CEP152: variants seen among roughly 807,000 people sequenced by gnomAD.
CEP152 encodes the protein centrosomal protein of 152 kDa.
Under a neutral mutation model 188.9 loss-of-function variants are expected in CEP152, and 132 were observed. The observed-to-expected ratio is 0.70, with a 90% confidence interval of 0.61 to 0.81. CEP152 has a LOEUF of 0.81. Ranked by LOEUF, CEP152 falls within the 30% of genes least tolerant of loss-of-function variation. CEP152 has a pLI of 0.00. For synonymous variants in CEP152, 649 were observed against 666.6 expected (o/e 0.97, Z 0.41); for missense variants, 1,914 against 1,969.8 (o/e 0.97, Z 0.54).
intron 16 of CEP152, 47 bp downstream of exon 16, chr15:48,767,288 A>G (rs1390113346): frequency 1.2e-6 from 2 of 1,614,116 alleles, no homozygotes; most frequent in South Asian, 2.2e-5. Flanking sequence ...GGAATAGGGG[A>G]ATGTAGTCTC....
At chr15:48,805,534 T>G (rs766642208) in intron 2 of CEP152, 29 bp downstream of exon 2, 10 of 1,508,026 alleles carry the variant, frequency 6.6e-6, no homozygotes, top group African/African-American at 1.7e-5. Flanking sequence ...GTTTAGTGTC[T>G]CTTTTTTTTT....
In CEP152 at chr15:48,784,089, A is replaced by G. The variant is rs1567015416; in HGVS notation, c.1205T>C (p.Val402Ala). The G allele has an allele frequency of 6.2e-7, 1 of 1,613,742 alleles. No homozygotes were observed. The highest frequency in any genetic ancestry group is 1.7e-5 in the Admixed American group (1 of 59,968). ...EDICSRLKDH[V>A]KQLERNQEAI... ...TTCTTGATTCCTTTCCAGTTGTTTCACGTGATCTTTCAGACGAGAGCAAAT... is the reference window on the plus strand; with the variant it reads ...TTCTTGATTCCTTTCCAGTTGTTTCGCGTGATCTTTCAGACGAGAGCAAAT... The change falls in exon 10 of 27, where the codon GTG becomes GCG. Residue 402 changes from valine to alanine, a missense_variant. By Grantham distance (64) the Val-to-Ala change is moderately conservative. Coordinates refer to ENST00000380950, the MANE Select transcript of CEP152 (RefSeq NM_001194998.2).
chr15:48,741,844 T>C, intron 25 of CEP152, 103 bp downstream of exon 25: 2 of 1,611,224 alleles, frequency 1.2e-6, no homozygotes, highest in Non-Finnish European at 1.7e-6. Flanking sequence ...CCCCTATGGC[T>C]GATCATGTAG....
At chr15:48,792,945 C>G (rs1325561805) in intron 7 of CEP152, among the ~76,000 whole-genome samples, 1 of 152,010 alleles carries the variant, frequency 6.6e-6, no homozygotes, top group Non-Finnish European at 1.5e-5. Context: ...CTTCAGCCTC[C>G]CAAGTAGATG....
chr15:48,761,728 A>C (rs527284274), intron 18 of CEP152, among the ~76,000 whole-genome samples: 9 of 152,320 alleles, frequency 5.9e-5, no homozygotes. Context: ...ATTGTAAAGG[A>C]GTCCTGGGAC....
intron 24 of CEP152, among the ~76,000 whole-genome samples, chr15:48,743,675 C>T (rs1030382343): frequency 4.6e-5 from 7 of 152,122 alleles, no homozygotes; most frequent in Non-Finnish European, 1.0e-4. Context: ...TCAGCCTGGC[C>T]AACACGGTGA....
At position 48,744,877 on chromosome 15, in the gene CEP152, TA is replaced by T. The variant is rs1893289205; in HGVS notation, c.3731+18del. ...CTTAGATTTCTTTAAAATAGCACTTTAAAATAGTAAAAGTATACCTTGGTGG... is the reference window on the plus strand; with the variant it reads ...CTTAGATTTCTTTAAAATAGCACTTTAAATAGTAAAAGTATACCTTGGTGG... On this transcript the variant is annotated intron_variant, in intron 23 of 26. Coordinates refer to ENST00000380950, the MANE Select transcript of CEP152 (RefSeq NM_001194998.2). The T allele has an allele frequency of 6.3e-7, 1 of 1,593,572 alleles. No individual in the cohort carries two copies. The highest frequency in any genetic ancestry group is 1.4e-5 in the African/African-American group (1 of 73,992).
intron 2 of CEP152, 124 bp downstream of exon 2, chr15:48,805,439 T>TA: frequency 2.6e-6 from 3 of 1,174,698 alleles, no homozygotes; most frequent in Non-Finnish European, 3.4e-6. Context: ...TTTAGGGTTG[T>TA]TTTTTTTTTA....
intron 22 of CEP152, among the ~76,000 whole-genome samples, chr15:48,748,014 A>ATCC (rs1253223430): frequency 6.6e-5 from 10 of 152,164 alleles, no homozygotes; most frequent in Non-Finnish European, 1.0e-4. Flanking sequence ...AGAATTAACA[A>ATCC]TCCTCTTTCT....
intron 6 of CEP152, 145 bp downstream of exon 6, chr15:48,795,865 A>G (rs1231798182): frequency 2.7e-6 from 2 of 733,914 alleles, no homozygotes; most frequent in Admixed American, 2.6e-5. Flanking sequence ...ATATCTCTAA[A>G]AATAAGGGCT....
chr15:48,810,994 T>G lies in CEP152; in HGVS notation c.-41A>C, dbSNP rs966891273. ...ACGGAGGCTGTTACCGCGAGGAAACTCTAGTCCTGGCGGAAGACCAACTTC... is the reference window on the plus strand; with the variant it reads ...ACGGAGGCTGTTACCGCGAGGAAACGCTAGTCCTGGCGGAAGACCAACTTC... On this transcript the variant is annotated 5_prime_UTR_variant, in exon 1 of 27. Transcript: ENST00000380950. 3.3e-5 allele frequency: 5 copies of G among 152,496 alleles called. No individual in the cohort carries two copies. The highest frequency in any genetic ancestry group is 4.8e-5 in the African/African-American group (2 of 41,460). 9.4% of individuals were successfully genotyped at this position (152,496 alleles called of 1,614,324 possible). A position where few individuals can be genotyped will look rare whatever the true frequency, so the allele number is the denominator to read the frequency against.
At chr15:48,731,690 T>G (rs566768910) in intron 2 of CEP152, among the ~76,000 whole-genome samples, 1 of 152,126 alleles carries the variant, frequency 6.6e-6, no homozygotes, top group Non-Finnish European at 1.5e-5. Flanking sequence ...ACAAATGGGA[T>G]CTAATTAAGC....
chr15:48,785,624 A>G (rs376617848), intron 9 of CEP152, among the ~76,000 whole-genome samples: 5 of 152,326 alleles, frequency 3.3e-5, no homozygotes, highest in African/African-American at 1.2e-4. Context: ...AATTGTAAAG[A>G]AAAGGCAGAC....
At chr15:48,761,418 A>G (rs1894678395) in intron 18 of CEP152, among the ~76,000 whole-genome samples, 2 of 152,238 alleles carry the variant, frequency 1.3e-5, no homozygotes, top group Non-Finnish European at 2.9e-5. Flanking sequence ...AAATTAAAAT[A>G]ACTACATAAC....
chr15:48,766,213 A>C (rs2140744839), intron 17 of CEP152, among the ~76,000 whole-genome samples: 1 of 152,322 alleles, frequency 6.6e-6, no homozygotes, highest in African/African-American at 2.4e-5. Context: ...CCTGCTCTTT[A>C]CTATTCTTTT....
rs542167866 is a variant in CEP152 at position 48,788,790 on chromosome 15, A to G, written c.1173+11T>C. 1 of 1,612,960 alleles carries G rather than the reference A, an allele frequency of 6.2e-7. No individual in the cohort carries two copies. Among genetic ancestry groups the G allele is most frequent in the South Asian group, 1.1e-5 (1 of 91,054 alleles). ...TGTTGATAACAGTTGCTCATTTGAAATCATCCCAACCTGTTCTTTAAGTGC... is the reference window on the plus strand; with the variant it reads ...TGTTGATAACAGTTGCTCATTTGAAGTCATCCCAACCTGTTCTTTAAGTGC... On this transcript the variant is annotated intron_variant, in intron 9 of 26. Transcript: ENST00000380950.
rs745869178 is a variant in CEP152, at chr15:48,742,100, C to T, written c.3836G>A (p.Cys1279Tyr). The stretch of plus-strand genomic sequence containing the variant: ...CTCCTGAATATAACGAAGCATGTCA[C>T]CTATAGGGAAGTGAGAAAATGCCCA... ...QYIKAVKKIK[C>Y]DMLRYIQESK... The change falls in exon 25 of 27, where the codon TGT becomes TAT. Residue 1279 changes from cysteine (C) to tyrosine (Y), a missense_variant and splice_region_variant. Cys to Tyr is a radical substitution (Grantham distance 194). Coordinates refer to ENST00000380950, the MANE Select transcript of CEP152 (RefSeq NM_001194998.2). The T allele has an allele frequency of 4.3e-6, 7 of 1,613,918 alleles. No individual in the cohort carries two copies. Among genetic ancestry groups the T allele is most frequent in the Non-Finnish European group, 5.9e-6 (7 of 1,179,892 alleles).
chr15:48,807,698 G>A (rs748509013), intron 1 of CEP152, among the ~76,000 whole-genome samples: 17 of 151,990 alleles, frequency 1.1e-4, no homozygotes, highest in Non-Finnish European at 1.9e-4. Flanking sequence ...AATACAAGAC[G>A]AAATATGGAA....
At position 48,767,593 on chromosome 15, in the gene CEP152, C is replaced by A. The variant is rs1895222435; in HGVS notation, c.2019-130G>T. On this transcript the variant is annotated intron_variant, in intron 15 of 26. Coordinates refer to ENST00000380950, the MANE Select transcript of CEP152 (RefSeq NM_001194998.2). The stretch of plus-strand genomic sequence containing the variant: ...TAATTGAGGTCAGATAACTTTTCCC[C>A]AACTGAAAGTGGTAATAATTAATTA... The A allele has an allele frequency of 2.5e-6, 3 of 1,193,006 alleles. No homozygotes were observed. In the South Asian group the frequency reaches 3.8e-5, roughly 15 times the overall value. The allele number at this position is 1,193,006 out of a possible 1,614,324, so 73.9% of individuals were successfully genotyped here.
Sources: allele counts gnomAD v4.1 joint callset (sites outside exome capture counted in the v4.1 genomes callset), GRCh38; gene constraint gnomAD v4.1.1; transcripts MANE v1.5; gene names NCBI Gene and HGNC (gene_info 2026-07-23, HGNC 2026-07-21).